The following COL8A1 variants were observed in gnomAD, a reference collection of about 807,000 sequenced individuals.
COL8A1 encodes the protein collagen alpha-1(VIII) chain.
In COL8A1, 21 loss-of-function variants were observed where a neutral mutation model predicts 42.7. That is an observed-to-expected ratio of 0.49 (90% CI 0.35 to 0.71). The LOEUF is 0.71. COL8A1 is among the 30% of genes least tolerant of loss of function. The probability of loss-of-function intolerance (pLI) is 0.01; values close to 1 mark genes in which losing one functional copy is unlikely to be tolerated. For synonymous variants in COL8A1, 367 were observed against 369.1 expected (o/e 0.99, Z 0.06); for missense variants, 788 against 962.4 (o/e 0.82, Z 2.40).
chr3:99,644,248 A>G (rs1164151674), intron 1 of COL8A1, among the ~76,000 whole-genome samples: 1 of 152,208 alleles, frequency 6.6e-6, no homozygotes, highest in Non-Finnish European at 1.5e-5. Context: ...TGAAAGCTTT[A>G]TAAGTACCAT....
chr3:99,672,778 C>T (rs1938584666), intron 1 of COL8A1, among the ~76,000 whole-genome samples: 1 of 152,008 alleles, frequency 6.6e-6, no homozygotes, highest in Non-Finnish European at 1.5e-5. Context: ...AGCTCATCTT[C>T]AGAGAGTTGT....
chr3:99,648,155 C>A (rs955474772), intron 1 of COL8A1, among the ~76,000 whole-genome samples: 3 of 152,078 alleles, frequency 2.0e-5, no homozygotes, highest in African/African-American at 7.2e-5. Flanking sequence ...TTATTATTCC[C>A]AATTTAACGA....
intron 2 of COL8A1, among the ~76,000 whole-genome samples, chr3:99,767,510 G>A (rs897663803): frequency 6.6e-6 from 1 of 152,148 alleles, no homozygotes; most frequent in African/African-American, 2.4e-5. Flanking sequence ...GGTAACAGCT[G>A]GTGGACCCAA....
intron 1 of COL8A1, among the ~76,000 whole-genome samples, chr3:99,644,006 C>T (rs971758592): frequency 6.6e-6 from 1 of 152,032 alleles, no homozygotes; most frequent in African/African-American, 2.4e-5. Context: ...AACAGAGGGG[C>T]AGAGGGGAGA....
chr3:99,795,305 T>G lies in COL8A1; in HGVS notation c.1404T>G (p.Gly468=). 1 of 1,609,544 alleles carries G rather than the reference T, an allele frequency of 6.2e-7. No homozygotes were observed. The highest frequency in any genetic ancestry group is 2.2e-5 in the East Asian group (1 of 44,734). The change falls in exon 4 of 4, where the codon GGT becomes GGG. Residue 468 remains glycine (G), a synonymous_variant. Transcript: ENST00000652472. ...IGPKGEAGQK[G]VPGLPGVPGL... ...CCAAGGGGGAAGCTGGGCAAAAAGG[T>G]GTACCAGGACTCCCTGGTGTTCCAG...
At chr3:99,787,296 T>A (rs1216277794) in intron 2 of COL8A1, among the ~76,000 whole-genome samples, 2 of 152,168 alleles carry the variant, frequency 1.3e-5, no homozygotes, top group African/African-American at 2.4e-5. Flanking sequence ...TAGGAAGCCA[T>A]TTAGGGCTGT....
intron 1 of COL8A1, among the ~76,000 whole-genome samples, chr3:99,639,875 A>C (rs1477024618): frequency 6.6e-6 from 1 of 152,246 alleles, no homozygotes; most frequent in Non-Finnish European, 1.5e-5. Flanking sequence ...TAAGGTTCTT[A>C]AAGTAAGAAG....
intron 1 of COL8A1, among the ~76,000 whole-genome samples, chr3:99,689,001 G>T (rs1423098280): frequency 6.6e-6 from 1 of 152,016 alleles, no homozygotes; most frequent in East Asian, 1.9e-4. Flanking sequence ...TCCCATAGAT[G>T]GACAAAAATC....
intron 2 of COL8A1, among the ~76,000 whole-genome samples, chr3:99,749,913 A>T (rs1941104033): frequency 6.6e-6 from 1 of 152,018 alleles, no homozygotes; most frequent in Non-Finnish European, 1.5e-5. Flanking sequence ...ATAAACTTTT[A>T]TACAATAATA....
At chr3:99,718,833 A>T (rs750801370) in intron 1 of COL8A1, among the ~76,000 whole-genome samples, 74 of 152,262 alleles carry the variant, frequency 4.9e-4, no homozygotes, top group Non-Finnish European at 9.3e-4. Flanking sequence ...AGGAAGTGGC[A>T]TTGGGAACAT....
chr3:99,725,439 A>G (rs1309489271), intron 1 of COL8A1, among the ~76,000 whole-genome samples: 1 of 151,696 alleles, frequency 6.6e-6, no homozygotes, highest in African/African-American at 2.4e-5. Context: ...ATATACTTTA[A>G]GTTTTAGGGT....
chr3:99,770,784 T>C (rs577445811), intron 2 of COL8A1, among the ~76,000 whole-genome samples: 1 of 152,310 alleles, frequency 6.6e-6, no homozygotes, highest in African/African-American at 2.4e-5. Flanking sequence ...GGTGATAAGA[T>C]AGGCCAGGTC....
chr3:99,721,712 C>A (rs73860416), intron 1 of COL8A1, among the ~76,000 whole-genome samples: 1,673 of 151,976 alleles, frequency 0.011, 27 homozygotes, highest in African/African-American at 0.039. Flanking sequence ...GTTTAATTAG[C>A]CATTAGGTTT....
At chr3:99,761,235 C>T (rs1406507260) in intron 2 of COL8A1, among the ~76,000 whole-genome samples, 1 of 152,154 alleles carries the variant, frequency 6.6e-6, no homozygotes, top group Non-Finnish European at 1.5e-5. Flanking sequence ...AAATACTATA[C>T]TGATTTTGAA....
chr3:99,654,864 G>A lies in COL8A1; in HGVS notation c.-129+16200G>A, dbSNP rs556347154. Among the ~76,000 whole-genome samples the A allele has an allele frequency of 4.9e-4, 75 of 152,006 alleles. No homozygotes were observed. In the South Asian group the frequency reaches 0.012, roughly 24 times the overall value. The stretch of plus-strand genomic sequence containing the variant: ...AGATATTTTAGTTCATAAAAACAAA[G>A]GAAGAAGGACCATAAGAGGTTTTTT... On this transcript the variant is annotated intron_variant, in intron 1 of 3. Transcript: ENST00000652472.
intron 2 of COL8A1, among the ~76,000 whole-genome samples, chr3:99,756,774 GAA>G (rs970638965): frequency 6.6e-6 from 1 of 151,928 alleles, no homozygotes; most frequent in African/African-American, 2.4e-5. Flanking sequence ...GCATGATCAA[GAA>G]AACACTCACT....
chr3:99,685,809 C>T (rs1939032058), intron 1 of COL8A1, among the ~76,000 whole-genome samples: 1 of 152,106 alleles, frequency 6.6e-6, no homozygotes, highest in Non-Finnish European at 1.5e-5. Context: ...TTTACCATGG[C>T]AGTTCTCTGT....
intron 2 of COL8A1, among the ~76,000 whole-genome samples, chr3:99,770,033 C>A (rs1374562598): frequency 6.6e-6 from 1 of 152,140 alleles, no homozygotes; most frequent in Admixed American, 6.5e-5. Flanking sequence ...TGGGAGCCTT[C>A]AGAAATGAAG....
intron 1 of COL8A1, among the ~76,000 whole-genome samples, chr3:99,691,226 G>A (rs1939209962): frequency 6.6e-6 from 1 of 152,184 alleles, no homozygotes; most frequent in Admixed American, 6.5e-5. Flanking sequence ...CGCCTTCTAA[G>A]ACAGGTGAAC....
Sources: allele counts gnomAD v4.1 joint callset (sites outside exome capture counted in the v4.1 genomes callset), GRCh38; gene constraint gnomAD v4.1.1; transcripts MANE v1.5; gene names NCBI Gene and HGNC (gene_info 2026-07-23, HGNC 2026-07-21).